AGBL4: variants seen among roughly 807,000 people sequenced by gnomAD.
AGBL4 encodes the protein AGBL carboxypeptidase 4, also known as cytosolic carboxypeptidase 6.
AGBL4 carries 58 observed loss-of-function variants against 66.4 expected under a neutral mutation model. The ratio of observed to expected loss-of-function variants is 0.87; its 90% confidence interval spans 0.71 to 1.09. The LOEUF (loss-of-function observed/expected upper bound fraction) is 1.09, where lower values mean the gene tolerates loss of function less well. Ranked by LOEUF, AGBL4 falls within the 50% of genes least tolerant of loss-of-function variation. The pLI, the probability that AGBL4 is intolerant of heterozygous loss-of-function variation, is 0.00. For synonymous variants in AGBL4, 234 were observed against 222.9 expected, an observed-to-expected ratio of 1.05 and a Z score of -0.44; for missense variants, 579 against 631.0, an observed-to-expected ratio of 0.92 and a Z score of 0.88.
chr1:48,725,289 C>T (rs908992926), intron 6 of AGBL4, among the ~76,000 whole-genome samples: 2 of 152,050 alleles, frequency 1.3e-5, no homozygotes, highest in East Asian at 1.9e-4. Context: ...ATACACATTC[C>T]CAGCCTTATC....
In AGBL4 at chr1:49,530,273, C is replaced by CAAAAAAAAA. The variant is rs1171374859; in HGVS notation, c.282+167031_282+167039dup. Among the ~76,000 whole-genome samples the CAAAAAAAAA allele has an allele frequency of 9.8e-5, 11 of 111,928 alleles. 1 individual carries two copies. The highest frequency in any genetic ancestry group is 1.0e-4 in the Admixed American group (1 of 9,684). The allele number at this position is 111,928 out of a possible 152,430, so 73.4% of individuals were successfully genotyped here. ...AGTAGAATTTGTAAAAAAAAAAAAA[C>CAAAAAAAAA]AAAAAAAAACTCTATGAGTTTTTTT... On this transcript the variant is annotated intron_variant, in intron 3 of 13. Transcript: ENST00000371839.
intron 2 of AGBL4, chr1:49,842,398 A>G: frequency 1.5e-6 from 1 of 677,886 alleles, no homozygotes; most frequent in East Asian, 7.1e-5. Flanking sequence ...GTGAGATGGG[A>G]GCCCTTCAGG....
chr1:48,748,045 T>C (rs1651039721), intron 6 of AGBL4, among the ~76,000 whole-genome samples: 2 of 152,144 alleles, frequency 1.3e-5, no homozygotes, highest in African/African-American at 2.4e-5. Flanking sequence ...AAGTCAAAAT[T>C]CCTAAATGCG....
intron 5 of AGBL4, among the ~76,000 whole-genome samples, chr1:48,889,706 G>A (rs1328421004): frequency 6.6e-6 from 1 of 152,160 alleles, no homozygotes; most frequent in Admixed American, 6.5e-5. Flanking sequence ...AAGGTTAACA[G>A]CTGAACTCCT....
At chr1:48,781,975 T>G (rs1371156415) in intron 6 of AGBL4, among the ~76,000 whole-genome samples, 1 of 152,234 alleles carries the variant, frequency 6.6e-6, no homozygotes, top group African/African-American at 2.4e-5. Flanking sequence ...CTCAATTACT[T>G]CACACCAAAT....
chr1:48,700,094 A>G (rs570525925), intron 6 of AGBL4, among the ~76,000 whole-genome samples: 1 of 152,238 alleles, frequency 6.6e-6, no homozygotes, highest in South Asian at 2.1e-4. Context: ...TGACACTATT[A>G]ACTCCTCTGT....
intron 6 of AGBL4, among the ~76,000 whole-genome samples, chr1:48,704,582 CA>C: frequency 6.6e-6 from 1 of 152,192 alleles, no homozygotes; most frequent in East Asian, 1.9e-4. Flanking sequence ...ACTCTTTAAA[CA>C]TTTTTGTTAA....
intron 5 of AGBL4, among the ~76,000 whole-genome samples, chr1:49,033,543 T>C (rs1664399197): frequency 6.6e-6 from 1 of 152,124 alleles, no homozygotes; most frequent in Non-Finnish European, 1.5e-5. Context: ...CTCTCCACCC[T>C]GTTTTCTGTG....
At chr1:48,614,938 G>A (rs1645295185) in intron 9 of AGBL4, among the ~76,000 whole-genome samples, 1 of 152,118 alleles carries the variant, frequency 6.6e-6, no homozygotes, top group African/African-American at 2.4e-5. Flanking sequence ...TATACAAAAT[G>A]TATAAGCCTA....
chr1:49,012,035 A>G (rs1385303756), intron 5 of AGBL4, among the ~76,000 whole-genome samples: 2 of 151,606 alleles, frequency 1.3e-5, no homozygotes, highest in Non-Finnish European at 2.9e-5. Flanking sequence ...ATATAATAAT[A>G]AAAGAAAAAA....
chr1:49,072,986 C>G (rs945817895), intron 4 of AGBL4, among the ~76,000 whole-genome samples: 1 of 152,048 alleles, frequency 6.6e-6, no homozygotes, highest in African/African-American at 2.4e-5. Flanking sequence ...CACTTTATTT[C>G]ATTAATTTGA....
chr1:49,641,613 C>T lies in AGBL4; in HGVS notation c.282+55700G>A, dbSNP rs371845965. Among the ~76,000 whole-genome samples, 51 of 152,128 alleles carry T rather than the reference C, an allele frequency of 3.4e-4. 1 individual carries two copies. The South Asian group carries it at 9.5e-3, about 28-fold the overall frequency. On this transcript the variant is annotated intron_variant, in intron 3 of 13. Coordinates refer to ENST00000371839, the MANE Select transcript of AGBL4 (RefSeq NM_032785.4). ...TATGGTCAGACGAGTAATGGTTCAA[C>T]TGGATTTTTGTTCTCCATTTTCTGA...
At chr1:49,033,134 T>C (rs1364498233) in intron 5 of AGBL4, among the ~76,000 whole-genome samples, 1 of 152,102 alleles carries the variant, frequency 6.6e-6, no homozygotes, top group African/African-American at 2.4e-5. Flanking sequence ...TGAGATGACA[T>C]ATCTGCCTCC....
chr1:49,746,797 A>C (rs1330486938), intron 2 of AGBL4, among the ~76,000 whole-genome samples: 1 of 152,122 alleles, frequency 6.6e-6, no homozygotes, highest in Non-Finnish European at 1.5e-5. Context: ...GTTATAAGGA[A>C]GTGATATATT....
intron 3 of AGBL4, among the ~76,000 whole-genome samples, chr1:49,656,112 A>T (rs1488959144): frequency 6.6e-6 from 1 of 151,492 alleles, no homozygotes; most frequent in Non-Finnish European, 1.5e-5. Context: ...GTGCCACTGC[A>T]CTCCAGCCTG....
chr1:49,108,748 A>T (rs902503568), intron 4 of AGBL4, among the ~76,000 whole-genome samples: 29 of 152,186 alleles, frequency 1.9e-4, no homozygotes, highest in African/African-American at 7.0e-4. Flanking sequence ...TTAAAACCCC[A>T]TGTGCCACCT....
intron 5 of AGBL4, among the ~76,000 whole-genome samples, chr1:48,913,858 G>T (rs1320930068): frequency 6.6e-6 from 1 of 152,108 alleles, no homozygotes; most frequent in Non-Finnish European, 1.5e-5. Flanking sequence ...GGGGACTGCT[G>T]GCTTAAGGGT....
chr1:48,599,508 T>C (rs1320206560), intron 9 of AGBL4, among the ~76,000 whole-genome samples: 2 of 152,194 alleles, frequency 1.3e-5, no homozygotes. Flanking sequence ...CCATTGTACA[T>C]GTGGTCTGAT....
intron 3 of AGBL4, among the ~76,000 whole-genome samples, chr1:49,337,668 G>A (rs1197827199): frequency 1.3e-5 from 2 of 152,188 alleles, no homozygotes; most frequent in East Asian, 3.9e-4. Context: ...CCCCAGGGCA[G>A]CAACTATGAT....
Sources: allele counts gnomAD v4.1 joint callset (sites outside exome capture counted in the v4.1 genomes callset), GRCh38; gene constraint gnomAD v4.1.1; transcripts MANE v1.5; gene names NCBI Gene and HGNC (gene_info 2026-07-23, HGNC 2026-07-21).